FAT3: variants seen among roughly 807,000 people sequenced by gnomAD.
FAT3 encodes protocadherin Fat 3.
A neutral mutation model predicts 310.2 loss-of-function variants in FAT3; 95 were observed. The ratio of observed to expected loss-of-function variants is 0.31; its 90% confidence interval spans 0.26 to 0.36. The LOEUF (loss-of-function observed/expected upper bound fraction) is 0.36. FAT3 is among the 10% of genes least tolerant of loss of function. The pLI, the probability that FAT3 is intolerant of heterozygous loss-of-function variation, is 1.00. For missense variants in FAT3, 5,408 were observed against 5,715.6 expected, an observed-to-expected ratio of 0.95 and a Z score of 1.74; for synonymous variants, 2,314 against 2,192.9, an observed-to-expected ratio of 1.06 and a Z score of -1.54.
chr11:92,412,001 A>G (rs568326038), intron 2 of FAT3, among the ~76,000 whole-genome samples: 3 of 151,834 alleles, frequency 2.0e-5, no homozygotes, highest in Non-Finnish European at 4.4e-5. Flanking sequence ...TAAATTTTTC[A>G]GATTTCCCCA....
chr11:92,311,759 C>G (rs1200028261), intron 1 of FAT3, among the ~76,000 whole-genome samples: 2 of 152,066 alleles, frequency 1.3e-5, no homozygotes, highest in African/African-American at 2.4e-5. Flanking sequence ...AGAGTAGGGC[C>G]CAGATTTAAA....
intron 3 of FAT3, among the ~76,000 whole-genome samples, chr11:92,597,365 A>T (rs1259081154): frequency 1.3e-5 from 2 of 152,208 alleles, no homozygotes; most frequent in African/African-American, 4.8e-5. Flanking sequence ...GGAAATGGAA[A>T]ATCAGAGTTT....
At chr11:92,391,703 G>A (rs2134815479) in intron 2 of FAT3, among the ~76,000 whole-genome samples, 1 of 152,306 alleles carries the variant, frequency 6.6e-6, no homozygotes, top group Admixed American at 6.5e-5. Flanking sequence ...GTATGCAAAT[G>A]TTTGACATTC....
chr11:92,503,996 G>T (rs568567002), intron 2 of FAT3, among the ~76,000 whole-genome samples: 1 of 152,194 alleles, frequency 6.6e-6, no homozygotes, highest in East Asian at 1.9e-4. Context: ...ATAAATTACT[G>T]CTGTCATCTG....
At chr11:92,739,525 A>G (rs904309120) in intron 4 of FAT3, among the ~76,000 whole-genome samples, 8 of 152,218 alleles carry the variant, frequency 5.3e-5, no homozygotes, top group Non-Finnish European at 8.8e-5. Context: ...TCTTACTGTT[A>G]TATGACAAGA....
chr11:92,648,679 C>G (rs1942255238), intron 3 of FAT3, among the ~76,000 whole-genome samples: 1 of 152,180 alleles, frequency 6.6e-6, no homozygotes, highest in Non-Finnish European at 1.5e-5. Context: ...GCTACATGCT[C>G]ATCTCCACCT....
At chr11:92,229,176 A>G (rs1864041654) in intron 1 of FAT3, among the ~76,000 whole-genome samples, 1 of 152,210 alleles carries the variant, frequency 6.6e-6, no homozygotes, top group South Asian at 2.1e-4. Flanking sequence ...ACTCCTGTGT[A>G]TGCAGTTTTA....
intron 2 of FAT3, among the ~76,000 whole-genome samples, chr11:92,447,651 G>A (rs992908643): frequency 2.6e-5 from 4 of 151,868 alleles, no homozygotes; most frequent in African/African-American, 9.7e-5. Flanking sequence ...TTACTTAGAA[G>A]CGCTTTTCTT....
intron 7 of FAT3, among the ~76,000 whole-genome samples, chr11:92,787,652 T>G (rs1946928284): frequency 6.6e-6 from 1 of 150,674 alleles, no homozygotes; most frequent in African/African-American, 2.4e-5. Flanking sequence ...TTTATCCAAC[T>G]AGGAATAAAT....
intron 4 of FAT3, among the ~76,000 whole-genome samples, chr11:92,759,577 A>G (rs937399342): frequency 6.6e-6 from 1 of 152,122 alleles, no homozygotes; most frequent in Non-Finnish European, 1.5e-5. Context: ...CAAAGAAAAG[A>G]GGACCTGAAG....
chr11:92,840,745 G>C lies in FAT3; in HGVS notation c.10552G>C (p.Val3518Leu). The change falls in exon 18 of 28, where the codon GTG (valine) becomes CTG (leucine). Residue 3518 changes from valine (V) to leucine (L), a missense_variant. Physicochemically the swap from Val to Leu is conservative, Grantham distance 32. Around this residue, in one of 5 missense-constraint regions of FAT3, gnomAD observed 4,588 missense variants for 4,809.8 expected, o/e 0.95. Coordinates refer to ENST00000525166, the MANE Select transcript of FAT3 (RefSeq NM_001367949.2). ...CCAGCACACAGAGTCTCTGGAATACGTGTTGTGTGTCCAGGTATGGCATCG... is the reference window on the plus strand; with the variant it reads ...CCAGCACACAGAGTCTCTGGAATACCTGTTGTGTGTCCAGGTATGGCATCG... Reference protein sequence around the residue: ...VFQHTESLEYVLCVQAKDSGK... With the variant: ...VFQHTESLEYLLCVQAKDSGK... The C allele has an allele frequency of 1.9e-6, 3 of 1,586,618 alleles. No homozygotes were observed. Among genetic ancestry groups the C allele is most frequent in the Non-Finnish European group, 2.6e-6 (3 of 1,158,156 alleles).
intron 3 of FAT3, among the ~76,000 whole-genome samples, chr11:92,545,326 A>G (rs1018768574): frequency 6.6e-6 from 1 of 152,174 alleles, no homozygotes; most frequent in Non-Finnish European, 1.5e-5. Flanking sequence ...CTAACAAGGT[A>G]TATATGTGAC....
Position 92,883,183 on chromosome 11 carries a change from A to G in FAT3, c.12727A>G (p.Ser4243Gly), listed in dbSNP as rs2136415222. 5.0e-6 allele frequency: 8 copies of G among 1,613,404 alleles called. No individual in the cohort carries two copies. Among genetic ancestry groups the G allele is most frequent in the African/African-American group, 1.3e-5 (1 of 75,042 alleles). ...RPMAYTPCFQ[S>G]DSRSNLDKIV... Reference sequence around the variant, plus strand: ...CATGGCCTACACACCCTGCTTCCAGAGTGACTCCAGGAGCAACCTGGATAA... The same window carrying G: ...CATGGCCTACACACCCTGCTTCCAGGGTGACTCCAGGAGCAACCTGGATAA... The change falls in exon 24 of 28, where the codon AGT (serine) becomes GGT (glycine). Residue 4243 changes from serine to glycine, a missense_variant. Transcript: ENST00000525166. This position sits in a 1 kb window ranked among gnomAD's most constrained non-coding sequence, Gnocchi z 4.2.
chr11:92,607,998 A>G (rs1290947528), intron 3 of FAT3, among the ~76,000 whole-genome samples: 2 of 151,888 alleles, frequency 1.3e-5, no homozygotes, highest in Non-Finnish European at 2.9e-5. Context: ...CATTTCTTGA[A>G]CTTTTTTTTT....
rs777774140 is a variant in FAT3, at chr11:92,354,973, T to C, written c.2861T>C (p.Val954Ala). Residue 954 changes from valine to alanine, a missense_variant, in exon 2 of 28, where the codon GTC becomes GCC. Physicochemically the swap from Val to Ala is moderately conservative, Grantham distance 64 (BLOSUM62 0). This residue lies in a region of FAT3 where 4,588 missense variants were observed against 4,809.8 expected (regional missense o/e 0.95). Transcript: ENST00000525166. ...CTTGAAGATCTCCCTGTTGGCACTG[T>C]CATTGCTTGGCTTGAGACCCATGAT... ...KVLEDLPVGT[V>A]IAWLETHDPD... is the part of the protein sequence containing the mutation. 63 of 1,613,762 alleles carry C rather than the reference T, an allele frequency of 3.9e-5. No homozygotes were observed. Among genetic ancestry groups the C allele is most frequent in the Non-Finnish European group, 5.2e-5 (61 of 1,179,868 alleles).
chr11:92,278,564 AAT>A (rs1946339235), intron 1 of FAT3, among the ~76,000 whole-genome samples: 2 of 152,110 alleles, frequency 1.3e-5, no homozygotes, highest in Non-Finnish European at 2.9e-5. Flanking sequence ...CAACTATTTA[AAT>A]ATGTATTCTT....
At chr11:92,605,336 A>T (rs760988078) in intron 3 of FAT3, among the ~76,000 whole-genome samples, 16 of 152,192 alleles carry the variant, frequency 1.1e-4, no homozygotes, top group Non-Finnish European at 1.6e-4. Flanking sequence ...CTGGATGACG[A>T]TCCTTCTGTC....
chr11:92,640,730 G>A (rs1941927155), intron 3 of FAT3, among the ~76,000 whole-genome samples: 1 of 152,116 alleles, frequency 6.6e-6, no homozygotes, highest in Non-Finnish European at 1.5e-5. Flanking sequence ...AGTATTTAAT[G>A]AATCATTTTG....
In FAT3 at chr11:92,729,496, G is replaced by A. The variant is rs187983039; in HGVS notation, c.3669+32051G>A. Among the ~76,000 whole-genome samples, 1,256 of 147,938 alleles carry A rather than the reference G, an allele frequency of 8.5e-3. 28 individuals carry two copies. Among genetic ancestry groups the A allele is most frequent in the African/African-American group, 0.03 (1,189 of 39,962 alleles). On this transcript the variant is annotated intron_variant, in intron 4 of 27. Coordinates refer to ENST00000525166, the MANE Select transcript of FAT3 (RefSeq NM_001367949.2). The stretch of plus-strand genomic sequence containing the variant: ...GGCTGGAGTGCAGTGGCGTGATCTC[G>A]GCTCACTGCACCCTCTGCCTCCCGG...
Sources: allele counts gnomAD v4.1 joint callset (sites outside exome capture counted in the v4.1 genomes callset), GRCh38; gene constraint gnomAD v4.1.1; regional missense constraint gnomAD v4.1.1; non-coding constraint Gnocchi (gnomAD v3.1); transcripts MANE v1.5; gene names NCBI Gene and HGNC (gene_info 2026-07-23, HGNC 2026-07-21).